The following FSTL5 variants were observed in gnomAD, a reference collection of about 807,000 sequenced individuals.
FSTL5 encodes the protein follistatin-related protein 5.
FSTL5 carries 62 observed loss-of-function variants against 89.1 expected under a neutral mutation model. The ratio of observed to expected loss-of-function variants is 0.70; its 90% confidence interval spans 0.57 to 0.86. The LOEUF is 0.86. Ranked by LOEUF, FSTL5 falls within the 40% of genes least tolerant of loss-of-function variation. The pLI is 0.00. For missense variants in FSTL5, 1,057 were observed against 1,001.6 expected (o/e 1.06, Z -0.75); for synonymous variants, 383 against 346.2 (o/e 1.11, Z -1.18).
chr4:161,789,967 G>C (rs7690806), intron 4 of FSTL5, among the ~76,000 whole-genome samples: 89,790 of 152,040 alleles, frequency 0.59, 28,843 homozygotes, highest in Non-Finnish European at 0.72. Flanking sequence ...CTTCAAAAAA[G>C]TGCAGCTCAG....
intron 4 of FSTL5, among the ~76,000 whole-genome samples, chr4:161,794,141 T>C (rs1046154418): frequency 2.0e-5 from 3 of 152,176 alleles, no homozygotes; most frequent in African/African-American, 7.2e-5. Context: ...TATAGTCACC[T>C]GAGGAGCTTT....
chr4:161,866,363 T>C (rs1346640400), intron 4 of FSTL5, among the ~76,000 whole-genome samples: 1 of 152,078 alleles, frequency 6.6e-6, no homozygotes, highest in Non-Finnish European at 1.5e-5. Flanking sequence ...TAGATGTCTG[T>C]AGAACTTGTA....
intron 7 of FSTL5, among the ~76,000 whole-genome samples, chr4:161,644,480 C>T (rs772550851): frequency 2.7e-5 from 4 of 150,746 alleles, no homozygotes; most frequent in Non-Finnish European, 2.9e-5. Context: ...GAGCCGAGGC[C>T]GCACCATTGC....
At chr4:162,149,580 T>C (rs943715243) in intron 1 of FSTL5, among the ~76,000 whole-genome samples, 18 of 152,094 alleles carry the variant, frequency 1.2e-4, no homozygotes, top group African/African-American at 3.9e-4. Flanking sequence ...TAGAGCCCAG[T>C]AGGTGGAGGC....
intron 7 of FSTL5, among the ~76,000 whole-genome samples, chr4:161,600,746 A>G (rs993130392): frequency 6.6e-6 from 1 of 152,168 alleles, no homozygotes; most frequent in African/African-American, 2.4e-5. Flanking sequence ...GGCCCAAAAA[A>G]CCTAAAATCC....
At chr4:161,819,662 GA>G (rs1179686973) in intron 4 of FSTL5, among the ~76,000 whole-genome samples, 1 of 151,404 alleles carries the variant, frequency 6.6e-6, no homozygotes, top group Non-Finnish European at 1.5e-5. Flanking sequence ...TTTGGGGCTA[GA>G]AAAAAAATCC....
At chr4:161,391,529 T>A (rs1730822215) in intron 15 of FSTL5, among the ~76,000 whole-genome samples, 1 of 152,186 alleles carries the variant, frequency 6.6e-6, no homozygotes, top group African/African-American at 2.4e-5. Context: ...ACATGAGCTA[T>A]CATTCATTTA....
chr4:161,809,150 C>T (rs1730064662), intron 4 of FSTL5, among the ~76,000 whole-genome samples: 1 of 152,106 alleles, frequency 6.6e-6, no homozygotes, highest in Non-Finnish European at 1.5e-5. Flanking sequence ...ACCCGGGAGG[C>T]GGAGCTTGCA....
chr4:161,616,018 C>A (rs746708590), intron 7 of FSTL5, among the ~76,000 whole-genome samples: 1 of 151,826 alleles, frequency 6.6e-6, no homozygotes, highest in Non-Finnish European at 1.5e-5. Context: ...TTTTTCCTAG[C>A]AAAATGATTT....
At chr4:162,006,960 C>T (rs2111120606) in intron 3 of FSTL5, among the ~76,000 whole-genome samples, 1 of 151,906 alleles carries the variant, frequency 6.6e-6, no homozygotes, top group African/African-American at 2.4e-5. Flanking sequence ...AAGGCATCTG[C>T]TAACGTTCCA....
intron 10 of FSTL5, among the ~76,000 whole-genome samples, chr4:161,525,444 G>T (rs79183499): frequency 6.6e-6 from 1 of 152,020 alleles, no homozygotes; most frequent in Non-Finnish European, 1.5e-5. Context: ...GTAATACTCC[G>T]TTGGTGTTCA....
At chr4:161,654,545 C>T (rs1736451012) in intron 7 of FSTL5, among the ~76,000 whole-genome samples, 2 of 151,962 alleles carry the variant, frequency 1.3e-5, no homozygotes, top group South Asian at 2.1e-4. Context: ...AAAGTTTCCA[C>T]ATATATGCAA....
Position 161,626,765 on chromosome 4 carries a change from T to C in FSTL5, c.894+29563A>G, listed in dbSNP as rs558036677. Among the ~76,000 whole-genome samples the C allele has an allele frequency of 2.6e-5, 4 of 152,310 alleles. No individual in the cohort carries two copies. In the South Asian group the frequency reaches 6.2e-4, roughly 24 times the overall value. On this transcript the variant is annotated intron_variant, in intron 7 of 15. Coordinates refer to ENST00000306100, the MANE Select transcript of FSTL5 (RefSeq NM_020116.5). ...TTCTTGATGCCGTTAAGAACATTCA[T>C]GATTTATGCCAGAAGGTCAAACATT...
chr4:161,848,946 T>C (rs1424153392), intron 4 of FSTL5, among the ~76,000 whole-genome samples: 1 of 152,192 alleles, frequency 6.6e-6, no homozygotes, highest in Non-Finnish European at 1.5e-5. Flanking sequence ...TTACAAGTCA[T>C]GTGGTGAAAA....
intron 1 of FSTL5, among the ~76,000 whole-genome samples, chr4:162,131,258 T>C (rs142476388): frequency 9.0e-4 from 137 of 152,388 alleles, no homozygotes; most frequent in African/African-American, 2.7e-3. Flanking sequence ...TAGGACATGA[T>C]TGATTTCTCA....
chr4:161,689,765 T>G (rs1737866977), intron 6 of FSTL5, among the ~76,000 whole-genome samples: 1 of 152,140 alleles, frequency 6.6e-6, no homozygotes, highest in Non-Finnish European at 1.5e-5. Context: ...CTGTATAACT[T>G]TAGAAGAAGA....
In FSTL5 at chr4:161,729,240, T is replaced by C. The variant is rs1306030901; in HGVS notation, c.727+30171A>G. The stretch of plus-strand genomic sequence containing the variant: ...CAGAATAACAAATGATTTTTTTAAA[T>C]TTACGTTTAAGAAAGTTTTAGAGCA... On this transcript the variant is annotated intron_variant, in intron 6 of 15. Coordinates refer to ENST00000306100, the MANE Select transcript of FSTL5 (RefSeq NM_020116.5). Among the ~76,000 whole-genome samples, 4 of 152,206 alleles carry C rather than the reference T, an allele frequency of 2.6e-5. No individual in the cohort carries two copies. The South Asian group carries it at 8.3e-4, about 31-fold the overall frequency.
intron 6 of FSTL5, among the ~76,000 whole-genome samples, chr4:161,734,143 A>T (rs1359260861): frequency 1.3e-5 from 2 of 152,168 alleles, no homozygotes; most frequent in African/African-American, 4.8e-5. Context: ...TAGGAGGGAA[A>T]TAATTTTTAT....
At chr4:161,639,566 C>A (rs145052897) in intron 7 of FSTL5, among the ~76,000 whole-genome samples, 1 of 152,124 alleles carries the variant, frequency 6.6e-6, no homozygotes, top group Non-Finnish European at 1.5e-5. Context: ...GCACCAGGAA[C>A]CTGTCTCTAC....
Sources: allele counts gnomAD v4.1 joint callset (sites outside exome capture counted in the v4.1 genomes callset), GRCh38; gene constraint gnomAD v4.1.1; transcripts MANE v1.5; gene names NCBI Gene and HGNC (gene_info 2026-07-23, HGNC 2026-07-21).